The following GLIS1 variants were observed in gnomAD, a reference collection of about 807,000 sequenced individuals.
GLIS1 encodes the protein GLIS family zinc finger 1, also known as zinc finger protein GLIS1.
In GLIS1, 24 loss-of-function variants were observed where a neutral mutation model predicts 63.8. The ratio of observed to expected loss-of-function variants is 0.38; its 90% CI spans 0.27 to 0.53. The LOEUF (loss-of-function observed/expected upper bound fraction) is 0.53, where lower values mean the gene tolerates loss of function less well. GLIS1 is among the 20% of genes least tolerant of loss of function. The pLI, the probability that GLIS1 is intolerant of heterozygous loss-of-function variation, is 0.85. For missense variants in GLIS1, 1,036 were observed against 1,074.1 expected, an observed-to-expected ratio of 0.96 and a Z score of 0.50; for synonymous variants, 450 against 482.5, an observed-to-expected ratio of 0.93 and a Z score of 0.88.
intron 4 of GLIS1, among the ~76,000 whole-genome samples, chr1:53,540,706 AC>A (rs902647052): frequency 3.9e-5 from 6 of 152,032 alleles, no homozygotes; most frequent in African/African-American, 1.4e-4. Context: ...CCTGAGCTTC[AC>A]CCCGAGCTGC....
In GLIS1 at chr1:53,600,186, C is replaced by T; in HGVS notation, c.352G>A (p.Gly118Ser). 8.1e-7 allele frequency: 1 copy of T among 1,231,908 alleles called. No homozygotes were observed. The highest frequency in any genetic ancestry group is 1.6e-5 in the African/African-American group (1 of 64,482). 76.3% of individuals were successfully genotyped at this position (1,231,908 alleles called of 1,614,324 possible). A position where few individuals can be genotyped will look rare whatever the true frequency, so the allele number is the denominator to read the frequency against. The part of the protein sequence containing the change: ...AEGPGPTCCQ[G>S]LFLPAGSPPP... ...GGGCTTCCTGCAGGGAGAAACAGGC[C>T]CTGGCAGCAGGTGGGGCCAGGGCCC... The change falls in exon 3 of 11, where the codon GGC becomes AGC. Residue 118 changes from glycine (G) to serine (S), a missense_variant. By Grantham distance (56) the Gly-to-Ser change is moderately conservative (BLOSUM62 0). Transcript: ENST00000628545.
chr1:53,652,684 T>C (rs1645922005), intron 2 of GLIS1, among the ~76,000 whole-genome samples: 1 of 152,132 alleles, frequency 6.6e-6, no homozygotes, highest in Non-Finnish European at 1.5e-5. Context: ...ATCTCTTCCA[T>C]GTGTTTCCCG....
At chr1:53,720,868 G>A (rs548515479) in intron 2 of GLIS1, among the ~76,000 whole-genome samples, 23 of 152,166 alleles carry the variant, frequency 1.5e-4, no homozygotes, top group Admixed American at 1.1e-3. Flanking sequence ...CATGGTAGCC[G>A]GAGTCTGTAG....
At chr1:53,630,634 T>G (rs1319962286) in intron 2 of GLIS1, among the ~76,000 whole-genome samples, 4 of 152,178 alleles carry the variant, frequency 2.6e-5, no homozygotes, top group Non-Finnish European at 5.9e-5. Context: ...TAGCTGGGAT[T>G]ACAGGTGTGT....
At chr1:53,737,294 T>C (rs1646921526) in intron 2 of GLIS1, among the ~76,000 whole-genome samples, 1 of 152,200 alleles carries the variant, frequency 6.6e-6, no homozygotes, top group African/African-American at 2.4e-5. Flanking sequence ...CTAGGCTGGA[T>C]TGCTGATGCA....
rs955624281 is a variant in GLIS1 at position 53,594,785 on chromosome 1, G to C, written c.643C>G (p.Leu215Val). The C allele has an allele frequency of 6.2e-7, 1 of 1,605,422 alleles. No individual in the cohort carries two copies. Among genetic ancestry groups the C allele is most frequent in the African/African-American group, 1.3e-5 (1 of 74,828 alleles). Residue 215 changes from leucine to valine, a missense_variant, in exon 4 of 11, where the codon CTT becomes GTT. This residue lies in a region of GLIS1 where 592 missense variants were observed against 593.9 expected (regional missense o/e 1.00). Coordinates refer to ENST00000628545, the MANE Select transcript of GLIS1 (RefSeq NM_001367484.1). Reference sequence around the variant, plus strand: ...CCAGAGCTGGGTTCGCTGCCCAGAAGGTAGCAGGAAGGCGCAGGGGTGGCG... The same window carrying C: ...CCAGAGCTGGGTTCGCTGCCCAGAACGTAGCAGGAAGGCGCAGGGGTGGCG... ...SLATPAPSCY[L>V]LGSEPSSGLG...
At chr1:53,713,140 C>T (rs1346358693) in intron 2 of GLIS1, among the ~76,000 whole-genome samples, 2 of 152,086 alleles carry the variant, frequency 1.3e-5, no homozygotes, top group African/African-American at 4.8e-5. Context: ...GCCTAGGCAA[C>T]ATGGTGAGAC....
intron 4 of GLIS1, among the ~76,000 whole-genome samples, chr1:53,544,589 A>G (rs1167755392): frequency 6.6e-6 from 1 of 152,206 alleles, no homozygotes; most frequent in Non-Finnish European, 1.5e-5. Context: ...CCCTCAGCCC[A>G]GCACTTCCAG....
intron 4 of GLIS1, among the ~76,000 whole-genome samples, chr1:53,586,498 T>C (rs1337075103): frequency 6.6e-6 from 1 of 152,192 alleles, no homozygotes; most frequent in East Asian, 1.9e-4. Flanking sequence ...CTTTCCCTTT[T>C]CTCTTTCGCA....
At chr1:53,577,135 C>T (rs980828673) in intron 4 of GLIS1, among the ~76,000 whole-genome samples, 1 of 151,690 alleles carries the variant, frequency 6.6e-6, no homozygotes, top group Non-Finnish European at 1.5e-5. Flanking sequence ...CAGCCTCCCC[C>T]CCCTCCATGC....
intron 4 of GLIS1, among the ~76,000 whole-genome samples, chr1:53,555,697 C>G (rs117800081): frequency 1.3e-5 from 2 of 152,178 alleles, no homozygotes. Flanking sequence ...CTACTATGTA[C>G]GTACAAAAAT....
At chr1:53,724,412 T>C (rs1354047265) in intron 2 of GLIS1, among the ~76,000 whole-genome samples, 3 of 152,252 alleles carry the variant, frequency 2.0e-5, no homozygotes, top group Non-Finnish European at 4.4e-5. Context: ...CTAGTATGAC[T>C]GGAAAACTAA....
At chr1:53,645,973 G>C (rs1378895887) in intron 2 of GLIS1, among the ~76,000 whole-genome samples, 4 of 152,128 alleles carry the variant, frequency 2.6e-5, no homozygotes, top group African/African-American at 7.2e-5. Flanking sequence ...GTGAACAAGG[G>C]GGGCAGGGGC....
intron 2 of GLIS1, among the ~76,000 whole-genome samples, chr1:53,667,935 G>A (rs1456419105): frequency 6.6e-6 from 1 of 152,112 alleles, no homozygotes; most frequent in Non-Finnish European, 1.5e-5. Flanking sequence ...GTTCTCTACT[G>A]CCCTTGGGTA....
chr1:53,649,566 T>C (rs1265171057), intron 2 of GLIS1, among the ~76,000 whole-genome samples: 2 of 152,232 alleles, frequency 1.3e-5, no homozygotes, highest in South Asian at 2.1e-4. Flanking sequence ...CCACTGGTGA[T>C]GCTGGAAGTG....
Position 53,529,776 on chromosome 1 carries a change from G to A in GLIS1, c.1482+15C>T. On this transcript the variant is annotated intron_variant, in intron 5 of 10. Transcript: ENST00000628545. ...ATCCTCCACCCCGCCCTGGGCCTCT[G>A]CCTGTTGGGCCTACCGTGTCTAGGT... 1 of 1,608,084 alleles carries A rather than the reference G, an allele frequency of 6.2e-7. No individual in the cohort carries two copies. Among genetic ancestry groups the A allele is most frequent in the Non-Finnish European group, 8.5e-7 (1 of 1,179,048 alleles).
chr1:53,664,677 A>C (rs942844391), intron 2 of GLIS1, among the ~76,000 whole-genome samples: 1 of 152,222 alleles, frequency 6.6e-6, no homozygotes, highest in Admixed American at 6.5e-5. Flanking sequence ...ACAAACGAAT[A>C]GTTGCACCCA....
intron 4 of GLIS1, among the ~76,000 whole-genome samples, chr1:53,551,085 A>G (rs988167067): frequency 3.9e-5 from 6 of 152,006 alleles, no homozygotes; most frequent in Non-Finnish European, 5.9e-5. Flanking sequence ...GACCTCAGGT[A>G]ATCCGCCCAC....
intron 4 of GLIS1, among the ~76,000 whole-genome samples, chr1:53,579,928 C>T (rs1016281074): frequency 3.3e-5 from 5 of 152,180 alleles, no homozygotes; most frequent in South Asian, 2.1e-4. Flanking sequence ...TAGGACTATA[C>T]GGAGTAAAGG....
Sources: allele counts gnomAD v4.1 joint callset (sites outside exome capture counted in the v4.1 genomes callset), GRCh38; gene constraint gnomAD v4.1.1; regional missense constraint gnomAD v4.1.1; transcripts MANE v1.5; gene names NCBI Gene and HGNC (gene_info 2026-07-23, HGNC 2026-07-21).